The following SDK2 variants were observed in gnomAD, a reference collection of about 807,000 sequenced individuals.
SDK2 encodes sidekick cell adhesion molecule 2, also known as protein sidekick-2.
SDK2 carries 105 observed loss-of-function variants against 253.9 expected under a neutral mutation model. That is an observed-to-expected ratio of 0.41 (90% CI 0.35 to 0.49). The LOEUF (loss-of-function observed/expected upper bound fraction) is 0.49, where lower values mean the gene tolerates loss of function less well. SDK2 is among the 20% of genes least tolerant of loss of function. SDK2 has a pLI of 0.06. For missense variants in SDK2, 2,608 were observed against 3,003.0 expected (o/e 0.87, Z 3.07); for synonymous variants, 1,249 against 1,234.9 (o/e 1.01, Z -0.24).
In SDK2 at chr17:73,424,596, G is replaced by A. The variant is rs114379732; in HGVS notation, c.1584-504C>T. On this transcript the variant is annotated intron_variant, in intron 12 of 44. Transcript: ENST00000392650. ...CGGTCAGTCAATACAAATGGGGCTT[G>A]AGAAATTACACACGCATCAGTGCTT... 4.4e-3 allele frequency among the ~76,000 whole-genome samples: 670 copies of A among 152,352 alleles called. 6 individuals are homozygous for A. The highest frequency in any genetic ancestry group is 0.015 in the African/African-American group (632 of 41,582).
intron 16 of SDK2, 135 bp from the exon 17 acceptor site, chr17:73,416,127 C>T: frequency 1.4e-6 from 1 of 709,994 alleles, no homozygotes; most frequent in Admixed American, 2.7e-5. Context: ...TGCTGTCCGA[C>T]AGGGTGCCCG....
At chr17:73,601,805 G>A (rs778856718) in intron 1 of SDK2, among the ~76,000 whole-genome samples, 6 of 151,826 alleles carry the variant, frequency 4.0e-5, no homozygotes, top group Non-Finnish European at 7.4e-5. Flanking sequence ...GTGCAGTGGC[G>A]CCATTTTGGC....
chr17:73,506,870 T>A (rs2063939770), intron 2 of SDK2, among the ~76,000 whole-genome samples: 2 of 152,344 alleles, frequency 1.3e-5, no homozygotes, highest in Admixed American at 1.3e-4. Context: ...CACCTGGCAA[T>A]GTCCCGGCAG....
chr17:73,340,917 T>C (rs1222594360), intron 44 of SDK2, among the ~76,000 whole-genome samples: 1 of 151,902 alleles, frequency 6.6e-6, no homozygotes, highest in African/African-American at 2.4e-5. Context: ...CTAATTTTTG[T>C]ATTTTTAGTA....
At chr17:73,406,018 C>T (rs58514751) in intron 18 of SDK2, among the ~76,000 whole-genome samples, 8,659 of 151,856 alleles carry the variant, frequency 0.057, 820 homozygotes, top group African/African-American at 0.2. Context: ...CCACCGTGCC[C>T]GGCCCCTCCT....
At chr17:73,590,865 A>C (rs1258333430) in intron 1 of SDK2, among the ~76,000 whole-genome samples, 1 of 152,188 alleles carries the variant, frequency 6.6e-6, no homozygotes, top group Admixed American at 6.5e-5. Context: ...ACCGGACTGT[A>C]GGAAGGCGGA....
chr17:73,394,748 C>G (rs2145506655), intron 25 of SDK2, among the ~76,000 whole-genome samples: 1 of 152,314 alleles, frequency 6.6e-6, no homozygotes, highest in East Asian at 1.9e-4. Context: ...TGGGTCACCC[C>G]TGGGCAGGCC....
In SDK2 at chr17:73,335,744, CGCCCCAA is replaced by C. The variant is rs1336894631; in HGVS notation, c.*2836_*2842del. Reference sequence around the variant, plus strand: ...CCTCTCAGACAATAGATCCCAGCCACGCCCCAAGTGCAAGCAACCCAGGCCACCTGTG... The same window carrying C: ...CCTCTCAGACAATAGATCCCAGCCACGTGCAAGCAACCCAGGCCACCTGTG... On this transcript the variant is annotated 3_prime_UTR_variant, in exon 45 of 45. Coordinates refer to ENST00000392650, the MANE Select transcript of SDK2 (RefSeq NM_001144952.2). 3 of 152,268 alleles carry C rather than the reference CGCCCCAA, an allele frequency of 2.0e-5. No homozygotes were observed. The highest frequency in any genetic ancestry group is 4.4e-5 in the Non-Finnish European group (3 of 68,060). 9.4% of individuals were successfully genotyped at this position (152,268 alleles called of 1,614,324 possible).
intron 1 of SDK2, among the ~76,000 whole-genome samples, chr17:73,547,393 T>C (rs975150724): frequency 7.2e-5 from 11 of 152,220 alleles, no homozygotes; most frequent in African/African-American, 2.7e-4. Flanking sequence ...GCTTTGGGCT[T>C]GGATTGGGTA....
In SDK2 at chr17:73,643,874, G is replaced by A. The variant is rs2046429051; in HGVS notation, c.64+151C>T. 4 of 649,160 alleles carry A rather than the reference G, an allele frequency of 6.2e-6. No individual in the cohort carries two copies. The South Asian group carries it at 7.8e-5, about 13-fold the overall frequency. 40.2% of individuals were successfully genotyped at this position (649,160 alleles called of 1,614,324 possible). A position where few individuals can be genotyped will look rare whatever the true frequency, so the allele number is the denominator to read the frequency against. On this transcript the variant is annotated intron_variant, in intron 1 of 44. Transcript: ENST00000392650. This position sits in a 1 kb window ranked among gnomAD's most constrained non-coding sequence, Gnocchi z 6.9. ...CCCAAAAGAGCCCCAAAACTTGGGA[G>A]ATGGGGTGTCTTGAAACTCCCTGGA...
At chr17:73,607,433 C>T (rs790096) in intron 1 of SDK2, among the ~76,000 whole-genome samples, 2,185 of 152,188 alleles carry the variant, frequency 0.014, 46 homozygotes, top group African/African-American at 0.047. Flanking sequence ...GGCCCTCATC[C>T]GGGCATTTGG....
chr17:73,522,794 A>G (rs2064093017), intron 1 of SDK2, among the ~76,000 whole-genome samples: 1 of 152,252 alleles, frequency 6.6e-6, no homozygotes, highest in African/African-American at 2.4e-5. Context: ...GGAAATTCAT[A>G]CTAATGAGAG....
chr17:73,621,874 A>C (rs2046137335), intron 1 of SDK2, among the ~76,000 whole-genome samples: 1 of 152,238 alleles, frequency 6.6e-6, no homozygotes, highest in Admixed American at 6.5e-5. Context: ...TAAAAGTTTG[A>C]AGAAATAATG....
At chr17:73,398,483 G>T in intron 22 of SDK2, 54 bp from the exon 23 acceptor site, 1 of 1,476,258 alleles carries the variant, frequency 6.8e-7, no homozygotes, top group Non-Finnish European at 9.4e-7. Flanking sequence ...CACACGGGGT[G>T]CTCCGAGCCC....
intron 2 of SDK2, among the ~76,000 whole-genome samples, chr17:73,474,658 C>T (rs2063673420): frequency 6.6e-6 from 1 of 152,212 alleles, no homozygotes; most frequent in Non-Finnish European, 1.5e-5. Flanking sequence ...TTCCTCCGTT[C>T]ACCTCATCTT....
chr17:73,437,094 G>C (rs983704195), intron 8 of SDK2, among the ~76,000 whole-genome samples: 1 of 152,126 alleles, frequency 6.6e-6, no homozygotes, highest in East Asian at 1.9e-4. Flanking sequence ...TCTCAGAAGG[G>C]AAGTCATTAC....
rs1228923759 is a variant in SDK2 at position 73,432,677 on chromosome 17, G to A, written c.1313-1008C>T. ...GGGAGTGAAGGAGGTAGGGCTGGAGGGGAGGGCTGGGGGCTGGGGCAGGGT... is the reference window on the plus strand; with the variant it reads ...GGGAGTGAAGGAGGTAGGGCTGGAGAGGAGGGCTGGGGGCTGGGGCAGGGT... On this transcript the variant is annotated intron_variant, in intron 10 of 44. Coordinates refer to ENST00000392650, the MANE Select transcript of SDK2 (RefSeq NM_001144952.2). Among the ~76,000 whole-genome samples, 5 of 150,998 alleles carry A rather than the reference G, an allele frequency of 3.3e-5. No homozygotes were observed. The East Asian group carries it at 9.6e-4, about 29-fold the overall frequency.
intron 44 of SDK2, among the ~76,000 whole-genome samples, chr17:73,342,362 C>T (rs76203666): frequency 6.6e-6 from 1 of 152,098 alleles, no homozygotes; most frequent in South Asian, 2.1e-4. Context: ...CCCAGCTGCC[C>T]GCCCAGGAGA....
chr17:73,607,886 A>C (rs1435468966), intron 1 of SDK2, among the ~76,000 whole-genome samples: 1 of 151,650 alleles, frequency 6.6e-6, no homozygotes, highest in African/African-American at 2.4e-5. Flanking sequence ...TTTATTTCAG[A>C]ACAGCTTCAG....
Sources: gnomAD v4.1 joint callset for allele counts (sites outside exome capture counted in the v4.1 genomes callset) on GRCh38, gnomAD v4.1.1 for gene constraint, Gnocchi (gnomAD v3.1) non-coding constraint, MANE v1.5 for transcripts, NCBI Gene and HGNC (gene_info 2026-07-23, HGNC 2026-07-21) for gene names.